Variants in RBFOX1 observed in about 807,000 individuals in gnomAD.
RBFOX1 encodes RNA binding fox-1 homolog 1.
RBFOX1 carries 8 observed loss-of-function variants against 57.7 expected under a neutral mutation model. That is an observed-to-expected ratio of 0.14 (90% confidence interval 0.08 to 0.25). RBFOX1 has a LOEUF of 0.25. Among genes scored for constraint, RBFOX1 ranks in the 10% least tolerant of loss-of-function variants. The pLI is 1.00. For synonymous variants in RBFOX1, 326 were observed against 222.4 expected, an observed-to-expected ratio of 1.47 and a Z score of -4.15; for missense variants, 611 against 548.5, an observed-to-expected ratio of 1.11 and a Z score of -1.14.
chr16:6,630,152 C>A (rs2098366088), intron 2 of RBFOX1, among the ~76,000 whole-genome samples: 1 of 152,084 alleles, frequency 6.6e-6, no homozygotes, highest in Admixed American at 6.6e-5. Context: ...TTCAGCATCA[C>A]CTTCACCCAG....
chr16:5,769,766 G>A (rs1238187904), intron 3 of RBFOX1, among the ~76,000 whole-genome samples: 1 of 152,162 alleles, frequency 6.6e-6, no homozygotes, highest in Non-Finnish European at 1.5e-5. Flanking sequence ...TCCTTCCCTT[G>A]CAGCCCTGAG....
intron 4 of RBFOX1, among the ~76,000 whole-genome samples, chr16:7,164,357 C>G (rs151014362): frequency 1.3e-5 from 2 of 152,138 alleles, no homozygotes; most frequent in African/African-American, 4.8e-5. Flanking sequence ...TCTTGATCCA[C>G]TCATTGGCTA....
chr16:6,252,876 T>C (rs2097629962), intron 1 of RBFOX1, among the ~76,000 whole-genome samples: 1 of 152,166 alleles, frequency 6.6e-6, no homozygotes, highest in African/African-American at 2.4e-5. Context: ...ACAGCCCATC[T>C]AGATGGCTAA....
intron 3 of RBFOX1, among the ~76,000 whole-genome samples, chr16:5,739,327 T>A (rs564006547): frequency 1.1e-3 from 161 of 152,380 alleles, no homozygotes; most frequent in Middle Eastern, 3.4e-3. Context: ...ATGGGTAACG[T>A]TCTGCGTAGC....
chr16:7,010,744 T>C (rs564112555), intron 3 of RBFOX1, among the ~76,000 whole-genome samples: 98 of 152,254 alleles, frequency 6.4e-4, no homozygotes, highest in Middle Eastern at 6.8e-3. Flanking sequence ...TTTGTATTTT[T>C]AGTAGAGACA....
chr16:7,054,575 G>C (rs1161581622), intron 4 of RBFOX1, among the ~76,000 whole-genome samples: 1 of 147,752 alleles, frequency 6.8e-6, no homozygotes, highest in Non-Finnish European at 1.5e-5. Flanking sequence ...GTTTCTGAAA[G>C]GAATTTAGAA....
At chr16:5,732,871 C>T (rs987001261) in intron 3 of RBFOX1, among the ~76,000 whole-genome samples, 1 of 152,056 alleles carries the variant, frequency 6.6e-6, no homozygotes, top group Admixed American at 6.5e-5. Flanking sequence ...AGTGCAAAGA[C>T]CCCAAAAGGA....
At chr16:7,187,526 A>G (rs1045546595) in intron 4 of RBFOX1, among the ~76,000 whole-genome samples, 2 of 151,254 alleles carry the variant, frequency 1.3e-5, no homozygotes, top group Non-Finnish European at 2.9e-5. Flanking sequence ...CATCTCTACT[A>G]AAAATACAAA....
intron 1 of RBFOX1, among the ~76,000 whole-genome samples, chr16:6,288,672 G>A (rs1344474): frequency 0.69 from 105,629 of 152,014 alleles, 41,500 homozygotes; most frequent in Non-Finnish European, 0.87. Context: ...CTCTGACTTC[G>A]AGCACATGTT....
In RBFOX1 at chr16:5,987,706, C is replaced by T. The variant is rs924255113; in HGVS notation, c.351+120371C>T. ...TGCAGCCCAGGCAACATAGCAAGGC[C>T]CCATCTCCAGCTCTCTTTTTTAAAA... On this transcript the variant is annotated intron_variant, in intron 4 of 19. Coordinates refer to the RBFOX1 transcript ENST00000641259. Among the ~76,000 whole-genome samples the T allele has an allele frequency of 2.0e-5, 3 of 152,050 alleles. No homozygotes were observed. The South Asian group carries it at 6.2e-4, about 32-fold the overall frequency.
intron 1 of RBFOX1, among the ~76,000 whole-genome samples, chr16:6,025,064 A>T (rs2095162465): frequency 6.6e-6 from 1 of 152,170 alleles, no homozygotes; most frequent in South Asian, 2.1e-4. Context: ...TGTTATTCTA[A>T]TGGGAAACCA....
intron 2 of RBFOX1, among the ~76,000 whole-genome samples, chr16:6,652,464 G>C (rs1250784828): frequency 6.6e-6 from 1 of 151,418 alleles, no homozygotes; most frequent in South Asian, 2.1e-4. Context: ...AAAAAAAAAA[G>C]CCATGGGTCT....
intron 1 of RBFOX1, among the ~76,000 whole-genome samples, chr16:5,330,583 C>G (rs1384122583): frequency 6.6e-6 from 1 of 151,878 alleles, no homozygotes; most frequent in Non-Finnish European, 1.5e-5. Context: ...TTTTGTATTT[C>G]TAGTAGAGAT....
chr16:6,212,025 AT>A (rs1222144673), intron 1 of RBFOX1, among the ~76,000 whole-genome samples: 1 of 151,474 alleles, frequency 6.6e-6, no homozygotes, highest in Non-Finnish European at 1.5e-5. Context: ...AAGTTTTTGT[AT>A]TTTTCTTTTT....
intron 1 of RBFOX1, among the ~76,000 whole-genome samples, chr16:6,282,355 G>GT (rs151272388): frequency 5.0e-4 from 63 of 125,248 alleles, no homozygotes; most frequent in African/African-American, 1.6e-3. Context: ...TACCTTGTCT[G>GT]TTTTTTTTTT....
intron 3 of RBFOX1, among the ~76,000 whole-genome samples, chr16:5,791,768 A>T (rs187814200): frequency 1.6e-3 from 242 of 152,356 alleles, no homozygotes; most frequent in Middle Eastern, 6.8e-3. Context: ...AAAGTAAGCA[A>T]TGCAATAAGC....
intron 3 of RBFOX1, among the ~76,000 whole-genome samples, chr16:5,675,638 G>A (rs1168199536): frequency 6.6e-6 from 1 of 152,234 alleles, no homozygotes; most frequent in Non-Finnish European, 1.5e-5. Context: ...GCTTCCGCGT[G>A]TCATCGTGCA....
chr16:7,302,626 C>G (rs548239760), intron 4 of RBFOX1, among the ~76,000 whole-genome samples: 1 of 146,588 alleles, frequency 6.8e-6, no homozygotes, highest in East Asian at 2.0e-4. Flanking sequence ...ATCTCTTGGT[C>G]TGAAAACAAA....
chr16:7,490,240 A>G (rs1001201279), intron 4 of RBFOX1, among the ~76,000 whole-genome samples: 15 of 152,164 alleles, frequency 9.9e-5, no homozygotes, highest in African/African-American at 3.6e-4. Context: ...GAAAAGAATG[A>G]CACTTTGTCT....
Sources: allele counts gnomAD v4.1 joint callset (sites outside exome capture counted in the v4.1 genomes callset), GRCh38; gene constraint gnomAD v4.1.1; transcripts MANE v1.5; gene names NCBI Gene and HGNC (gene_info 2026-07-23, HGNC 2026-07-21).